The following MARK1 variants were observed in gnomAD, a reference collection of about 807,000 sequenced individuals.
MARK1 encodes microtubule affinity regulating kinase 1.
In MARK1, 40 loss-of-function variants were observed where a neutral mutation model predicts 96.3. The ratio of observed to expected loss-of-function variants is 0.42; its 90% CI spans 0.32 to 0.54. MARK1 has a LOEUF of 0.54. Among genes scored for constraint, MARK1 ranks in the 20% least tolerant of loss-of-function variants. The pLI, the probability that MARK1 is intolerant of heterozygous loss-of-function variation, is 0.16. For synonymous variants in MARK1, 317 were observed against 341.2 expected (o/e 0.93, Z 0.78); for missense variants, 719 against 984.6 (o/e 0.73, Z 3.61).
At chr1:220,629,390 C>T (rs1241584780) in intron 9 of MARK1, among the ~76,000 whole-genome samples, 2 of 138,898 alleles carry the variant, frequency 1.4e-5, no homozygotes, top group Non-Finnish European at 3.1e-5. Context: ...TGGTAAAAAA[C>T]ACGTAACATA....
intron 3 of MARK1, among the ~76,000 whole-genome samples, chr1:220,595,595 A>G (rs932536874): frequency 6.6e-6 from 1 of 152,220 alleles, no homozygotes; most frequent in African/African-American, 2.4e-5. Flanking sequence ...AGAGAGGTAA[A>G]TAGGATCTTG....
intron 1 of MARK1, among the ~76,000 whole-genome samples, chr1:220,566,618 G>A (rs1663076933): frequency 6.6e-6 from 1 of 152,158 alleles, no homozygotes; most frequent in Non-Finnish European, 1.5e-5. Flanking sequence ...GGGCATGTAT[G>A]TAGTTCCCTA....
chr1:220,566,867 G>GTA (rs1328039354), intron 1 of MARK1, among the ~76,000 whole-genome samples: 3 of 152,038 alleles, frequency 2.0e-5, no homozygotes, highest in Non-Finnish European at 2.9e-5. Context: ...AATCCTCATT[G>GTA]TAAGCTTGAG....
chr1:220,595,176 TC>T (rs1406487765), intron 3 of MARK1, among the ~76,000 whole-genome samples: 1 of 152,190 alleles, frequency 6.6e-6, no homozygotes, highest in Non-Finnish European at 1.5e-5. Context: ...AAAAATAAAG[TC>T]TATTATGTTT....
At chr1:220,580,728 G>T (rs559563495) in intron 2 of MARK1, among the ~76,000 whole-genome samples, 1 of 152,110 alleles carries the variant, frequency 6.6e-6, no homozygotes, top group African/African-American at 2.4e-5. Context: ...TTAACTTACT[G>T]CAAGTTCACA....
intron 1 of MARK1, among the ~76,000 whole-genome samples, chr1:220,532,313 A>G (rs1205968308): frequency 6.6e-6 from 1 of 152,204 alleles, no homozygotes; most frequent in African/African-American, 2.4e-5. Context: ...AAGCGAGAGG[A>G]AAGCATACCT....
intron 1 of MARK1, among the ~76,000 whole-genome samples, chr1:220,533,601 TG>T (rs925566244): frequency 9.2e-5 from 14 of 152,198 alleles, no homozygotes; most frequent in African/African-American, 3.1e-4. Context: ...TTGCTTAGTC[TG>T]TAACTCTAGG....
At chr1:220,586,009 A>ACACGCACG (rs368890734) in intron 3 of MARK1, among the ~76,000 whole-genome samples, 3 of 129,632 alleles carry the variant, frequency 2.3e-5, no homozygotes, top group Admixed American at 1.7e-4. Context: ...ACACACACAC[A>ACACGCACG]CACGCGCGCG....
At chr1:220,555,147 C>T (rs1254963937) in intron 1 of MARK1, among the ~76,000 whole-genome samples, 4 of 152,180 alleles carry the variant, frequency 2.6e-5, no homozygotes, top group Non-Finnish European at 5.9e-5. Context: ...CGTCATTGAT[C>T]ATCTGATTTC....
chr1:220,570,946 A>G (rs112677213), intron 1 of MARK1, among the ~76,000 whole-genome samples: 5 of 152,290 alleles, frequency 3.3e-5, no homozygotes, highest in African/African-American at 1.2e-4. Context: ...TTATTTCAAT[A>G]GCTTTTTCTT....
chr1:220,650,141 T>C (rs910527479), intron 13 of MARK1, among the ~76,000 whole-genome samples: 16 of 152,152 alleles, frequency 1.1e-4, no homozygotes, highest in Non-Finnish European at 2.2e-4. Context: ...GGGCATTTAG[T>C]CTGCTTAATA....
At chr1:220,648,271 C>G (rs1668691922) in intron 13 of MARK1, among the ~76,000 whole-genome samples, 1 of 152,154 alleles carries the variant, frequency 6.6e-6, no homozygotes, top group African/African-American at 2.4e-5. Context: ...AGTTACCAAA[C>G]TACAGTTTAA....
At position 220,662,998 on chromosome 1, in the gene MARK1, T is replaced by C. The variant is rs1669563103; in HGVS notation, c.*832T>C. On this transcript the variant is annotated 3_prime_UTR_variant, in exon 18 of 18. Transcript: ENST00000366917. ...GGCTATTATAACATAAACTGTCACG[T>C]AGGTTTGCTGCCTTCAGAATACCGC... is the stretch of plus-strand genomic sequence containing the variant. 6.5e-6 allele frequency: 1 copy of C among 152,684 alleles called. No homozygotes were observed. Among genetic ancestry groups the C allele is most frequent in the South Asian group, 2.1e-4 (1 of 4,834 alleles). 9.5% of individuals were successfully genotyped at this position (152,684 alleles called of 1,614,324 possible).
Position 220,618,291 on chromosome 1 carries a change from T to C in MARK1, c.553-19T>C, listed in dbSNP as rs377643231. ...TATGTAGGCTTTTTACATTGTTCTT[T>C]CTATTATTTTCCTCTTAGGCTGAAA... On this transcript the variant is annotated intron_variant, in intron 7 of 17. Transcript: ENST00000366917. The surrounding 1 kb of genome is among the most constrained non-coding windows in gnomAD (Gnocchi z 4.6). 22 of 1,427,524 alleles carry C rather than the reference T, an allele frequency of 1.5e-5. No individual in the cohort carries two copies. In the African/African-American group the frequency reaches 3.0e-4, roughly 19 times the overall value. 88.4% of individuals were successfully genotyped at this position (1,427,524 alleles called of 1,614,324 possible).
intron 10 of MARK1, among the ~76,000 whole-genome samples, chr1:220,631,449 T>C (rs1309336071): frequency 1.3e-5 from 2 of 152,180 alleles, no homozygotes; most frequent in Non-Finnish European, 2.9e-5. Flanking sequence ...ATCAGACTGA[T>C]AAGCATCAGC....
rs765211464 is a variant in MARK1 at position 220,604,022 on chromosome 1, A to G, written c.425-45A>G. On this transcript the variant is annotated intron_variant, in intron 5 of 17. Coordinates refer to ENST00000366917, the MANE Select transcript of MARK1 (RefSeq NM_018650.5). ...TTGACATTGCATATATTGTTAACCAAAAATCTATGTATATTTTACTACCTG... is the reference window on the plus strand; with the variant it reads ...TTGACATTGCATATATTGTTAACCAGAAATCTATGTATATTTTACTACCTG... 1.8e-5 allele frequency: 24 copies of G among 1,302,252 alleles called. 1 individual carries two copies. The South Asian group carries it at 3.1e-4, about 17-fold the overall frequency. The allele number at this position is 1,302,252 out of a possible 1,614,324, so 80.7% of individuals were successfully genotyped here.
At chr1:220,641,437 C>CA (rs1359157856) in intron 13 of MARK1, among the ~76,000 whole-genome samples, 1 of 152,156 alleles carries the variant, frequency 6.6e-6, no homozygotes, top group Non-Finnish European at 1.5e-5. Flanking sequence ...CGGGCCTTCA[C>CA]ATGCTGAGTA....
chr1:220,650,744 TAATACC>T, intron 14 of MARK1, 24 bp downstream of exon 14: 1 of 1,528,594 alleles, frequency 6.5e-7, no homozygotes, highest in Non-Finnish European at 9.1e-7. Context: ...TGCCAAGTAG[TAATACC>T]TTTGCTGTTG....
chr1:220,655,177 T>G (rs1669097356), intron 16 of MARK1, among the ~76,000 whole-genome samples: 1 of 152,182 alleles, frequency 6.6e-6, no homozygotes, highest in Non-Finnish European at 1.5e-5. Flanking sequence ...TTTTTTCAGA[T>G]TCCCTTGCCT....
Sources: allele counts gnomAD v4.1 joint callset (sites outside exome capture counted in the v4.1 genomes callset), GRCh38; gene constraint gnomAD v4.1.1; non-coding constraint Gnocchi (gnomAD v3.1); transcripts MANE v1.5; gene names NCBI Gene and HGNC (gene_info 2026-07-23, HGNC 2026-07-21).